LRP12: variants seen among roughly 807,000 people sequenced by gnomAD.
LRP12 encodes LDL receptor related protein 12.
LRP12 carries 14 observed loss-of-function variants against 66.0 expected under a neutral mutation model. The observed-to-expected ratio is 0.21, with a 90% CI of 0.14 to 0.33. The LOEUF is 0.33. Among genes scored for constraint, LRP12 ranks in the 10% least tolerant of loss-of-function variants. LRP12 has a pLI of 1.00. For synonymous variants in LRP12, 357 were observed against 359.1 expected (o/e 0.99, Z 0.07); for missense variants, 889 against 1,053.4 (o/e 0.84, Z 2.16).
chr8:104,549,157 C>A (rs562323959), intron 1 of LRP12, among the ~76,000 whole-genome samples: 1 of 152,004 alleles, frequency 6.6e-6, no homozygotes. Flanking sequence ...AAAACAAAAG[C>A]AAAACCACTA....
intron 1 of LRP12, among the ~76,000 whole-genome samples, chr8:104,542,857 C>A: frequency 6.6e-6 from 1 of 151,880 alleles, no homozygotes; most frequent in East Asian, 1.9e-4. Context: ...TTACTGTTTT[C>A]ATGGTGAGTA....
chr8:104,493,379 C>T (rs1294845647), intron 6 of LRP12, among the ~76,000 whole-genome samples: 1 of 152,224 alleles, frequency 6.6e-6, no homozygotes, highest in East Asian at 1.9e-4. Flanking sequence ...CACCCATAAA[C>T]ATATTTTATT....
chr8:104,506,171 C>CT (rs1677728852), intron 3 of LRP12: 1 of 151,896 alleles, frequency 6.6e-6, no homozygotes, highest in Non-Finnish European at 1.5e-5. Flanking sequence ...GATAGCTGTA[C>CT]TTTAACATAA....
chr8:104,516,092 C>T (rs1811069147), intron 2 of LRP12, among the ~76,000 whole-genome samples: 1 of 152,046 alleles, frequency 6.6e-6, no homozygotes, highest in Non-Finnish European at 1.5e-5. Context: ...ATCTAATTTA[C>T]GTTGGTGAGT....
Position 104,491,083 on chromosome 8 carries a change from G to C in LRP12, c.2170C>G (p.His724Asp). 1 of 1,614,094 alleles carries C rather than the reference G, an allele frequency of 6.2e-7. No individual in the cohort carries two copies. The highest frequency in any genetic ancestry group is 8.5e-7 in the Non-Finnish European group (1 of 1,180,014). ...CGACTGAGTGCACTTGTAAGCTGGT[G>C]ACGTGCTGGACTCACACTTGGGGGT... ...VEPPSVSPARHQLTSALSRMT... is the reference protein window; with the variant it reads ...VEPPSVSPARDQLTSALSRMT... Residue 724 changes from histidine (H) to aspartate (D), a missense_variant, in exon 7 of 7, where the codon CAC becomes GAC. Physicochemically the swap from His to Asp is moderately conservative, Grantham distance 81. Coordinates refer to ENST00000276654, the MANE Select transcript of LRP12 (RefSeq NM_013437.5).
At chr8:104,537,115 A>C (rs1413502050) in intron 1 of LRP12, among the ~76,000 whole-genome samples, 1 of 151,910 alleles carries the variant, frequency 6.6e-6, no homozygotes, top group African/African-American at 2.4e-5. Flanking sequence ...TAAGACTGTG[A>C]TCCCTGAGAA....
At chr8:104,528,067 T>A (rs1811267836) in intron 2 of LRP12, among the ~76,000 whole-genome samples, 1 of 152,176 alleles carries the variant, frequency 6.6e-6, no homozygotes, top group Non-Finnish European at 1.5e-5. Flanking sequence ...TGGTGCAGCA[T>A]AATTAAAAAT....
chr8:104,499,482 T>C lies in LRP12; in HGVS notation c.310A>G (p.Asn104Asp), dbSNP rs776623583. The change falls in exon 4 of 7, where the codon AAT becomes GAT. Residue 104 changes from asparagine (N) to aspartate (D), a missense_variant. Coordinates refer to ENST00000276654, the MANE Select transcript of LRP12 (RefSeq NM_013437.5). ...GTTTCTATTGTCAACCAGTCCAAAT[T>C]GCACCTTCTGGATCCTTGAATATCA... ...DFDIQGSRRCNLDWLTIETYK... is the reference protein window; with the variant it reads ...DFDIQGSRRCDLDWLTIETYK... 1 of 1,612,432 alleles carries C rather than the reference T, an allele frequency of 6.2e-7. No individual in the cohort carries two copies. Among genetic ancestry groups the C allele is most frequent in the Non-Finnish European group, 8.5e-7 (1 of 1,179,518 alleles).
intron 1 of LRP12, among the ~76,000 whole-genome samples, chr8:104,542,522 T>C (rs543332338): frequency 1.3e-4 from 20 of 152,298 alleles, no homozygotes; most frequent in Middle Eastern, 6.8e-3. Flanking sequence ...AATTTACCTA[T>C]GTCTTCTTTT....
chr8:104,548,488 G>A (rs1320397578), intron 1 of LRP12, among the ~76,000 whole-genome samples: 2 of 122,000 alleles, frequency 1.6e-5, no homozygotes, highest in Non-Finnish European at 3.2e-5. Context: ...ATTATATTTT[G>A]TATCTAATAT....
intron 1 of LRP12, among the ~76,000 whole-genome samples, chr8:104,542,619 T>C (rs1008934213): frequency 6.6e-6 from 1 of 152,246 alleles, no homozygotes; most frequent in Non-Finnish European, 1.5e-5. Context: ...TTCTGCACAG[T>C]CAAAAATCTG....
At chr8:104,524,455 T>C (rs1306758931) in intron 2 of LRP12, among the ~76,000 whole-genome samples, 2 of 152,108 alleles carry the variant, frequency 1.3e-5, no homozygotes, top group Non-Finnish European at 2.9e-5. Flanking sequence ...CAACTGTATA[T>C]GAATATGTCT....
chr8:104,556,531 A>G (rs1341692587), intron 1 of LRP12, among the ~76,000 whole-genome samples: 5 of 152,302 alleles, frequency 3.3e-5, no homozygotes, highest in Admixed American at 1.3e-4. Flanking sequence ...CACAAATGAG[A>G]AAACCTAGAG....
intron 1 of LRP12, among the ~76,000 whole-genome samples, chr8:104,574,051 T>C (rs980578749): frequency 2.0e-5 from 3 of 152,202 alleles, no homozygotes; most frequent in Non-Finnish European, 4.4e-5. Context: ...GATGAATTCA[T>C]TTATTCAACA....
rs898995132 is a variant in LRP12 at position 104,489,247 on chromosome 8, C to A, written c.*1426G>T. On this transcript the variant is annotated 3_prime_UTR_variant, in exon 7 of 7. Transcript: ENST00000276654. ...AAGAACAGCTTTGATTTAAAAAGTA[C>A]CTCAAGGCAATAAAAAAAATCATTT... 6.6e-6 allele frequency: 1 copy of A among 152,370 alleles called. No individual in the cohort carries two copies. The highest frequency in any genetic ancestry group is 1.5e-5 in the Non-Finnish European group (1 of 67,922). The allele number at this position is 152,370 out of a possible 1,614,324, so 9.4% of individuals were successfully genotyped here.
chr8:104,561,466 T>A (rs1254019715), intron 1 of LRP12, among the ~76,000 whole-genome samples: 1 of 152,196 alleles, frequency 6.6e-6, no homozygotes, highest in Non-Finnish European at 1.5e-5. Context: ...ATAAATCATT[T>A]CATTAGGGTT....
Position 104,575,417 on chromosome 8 carries a change from C to T in LRP12, c.79+13402G>A, listed in dbSNP as rs148352794. On this transcript the variant is annotated intron_variant, in intron 1 of 6. Transcript: ENST00000276654. ...GCTGCAAGTTGGTCCCCCAATCCAG[C>T]GCAGTGGATTTCGAAGCCTTGAAGA... Among the ~76,000 whole-genome samples the T allele has an allele frequency of 5.9e-3, 904 of 152,284 alleles. 11 individuals carry two copies. The highest frequency in any genetic ancestry group is 0.02 in the African/African-American group (848 of 41,554).
intron 6 of LRP12, 72 bp from the exon 7 acceptor site, chr8:104,491,611 T>G: frequency 1.0e-6 from 1 of 1,003,502 alleles, no homozygotes; most frequent in South Asian, 1.7e-5. Context: ...AAAAACACCC[T>G]TCTATTAAGA....
In LRP12 at chr8:104,499,600, T is replaced by C; in HGVS notation, c.273-81A>G. 6 of 914,084 alleles carry C rather than the reference T, an allele frequency of 6.6e-6. No individual in the cohort carries two copies. The South Asian group carries it at 6.7e-5, about 10-fold the overall frequency. 56.6% of individuals were successfully genotyped at this position (914,084 alleles called of 1,614,324 possible). A position where few individuals can be genotyped will look rare whatever the true frequency, so the allele number is the denominator to read the frequency against. On this transcript the variant is annotated intron_variant, in intron 3 of 6. Transcript: ENST00000276654. The stretch of plus-strand genomic sequence containing the variant: ...TATTACAAAGTAACTGAGGATATTA[T>C]TATAAGCCTCCATATACTGACTGAT...
Sources: allele counts gnomAD v4.1 joint callset (sites outside exome capture counted in the v4.1 genomes callset), GRCh38; gene constraint gnomAD v4.1.1; transcripts MANE v1.5; gene names NCBI Gene and HGNC (gene_info 2026-07-23, HGNC 2026-07-21).